XYLT1: variants seen among roughly 807,000 people sequenced by gnomAD.
The protein encoded by XYLT1 is xylosyltransferase 1, also known as beta-D-xylosyltransferase 1.
Under a neutral mutation model 91.3 loss-of-function variants are expected in XYLT1, and 36 were observed. The ratio of observed to expected loss-of-function variants is 0.39; its 90% confidence interval spans 0.30 to 0.52. The LOEUF is 0.52. Ranked by LOEUF, XYLT1 falls within the 20% of genes least tolerant of loss-of-function variation. The pLI is 0.68. For synonymous variants in XYLT1, 588 were observed against 532.0 expected, an observed-to-expected ratio of 1.11 and a Z score of -1.45; for missense variants, 1,242 against 1,284.5, an observed-to-expected ratio of 0.97 and a Z score of 0.51.
intron 2 of XYLT1, among the ~76,000 whole-genome samples, chr16:17,263,673 G>A (rs574177698): frequency 5.9e-5 from 9 of 151,624 alleles, no homozygotes; most frequent in South Asian, 2.1e-4. Flanking sequence ...TGACTGCGGC[G>A]TTCTCTCTGG....
At chr16:17,372,264 C>A (rs996350075) in intron 1 of XYLT1, among the ~76,000 whole-genome samples, 1 of 151,428 alleles carries the variant, frequency 6.6e-6, no homozygotes, top group South Asian at 2.1e-4. Context: ...TGTTTACATG[C>A]TAACAGCATT....
intron 2 of XYLT1, among the ~76,000 whole-genome samples, chr16:17,317,111 C>G (rs987049196): frequency 1.3e-5 from 2 of 151,958 alleles, no homozygotes; most frequent in African/African-American, 4.8e-5. Context: ...CGTGAGCCAC[C>G]GTGCCCGGCC....
At chr16:17,235,557 G>A (rs2141726880) in intron 3 of XYLT1, among the ~76,000 whole-genome samples, 1 of 152,260 alleles carries the variant, frequency 6.6e-6, no homozygotes, top group Admixed American at 6.5e-5. Flanking sequence ...GCACGAAAGG[G>A]ACTGTTTGTT....
chr16:17,423,963 T>C (rs1277720677), intron 1 of XYLT1, among the ~76,000 whole-genome samples: 1 of 152,088 alleles, frequency 6.6e-6, no homozygotes, highest in Non-Finnish European at 1.5e-5. Flanking sequence ...TATAAGCAAG[T>C]CCTATAGCAA....
intron 5 of XYLT1, among the ~76,000 whole-genome samples, chr16:17,181,214 G>T (rs1040849892): frequency 2.0e-5 from 3 of 152,140 alleles, no homozygotes; most frequent in Non-Finnish European, 4.4e-5. Flanking sequence ...GAGGGAATAT[G>T]GGGGCCCAAC....
At position 17,271,763 on chromosome 16, in the gene XYLT1, C is replaced by A. The variant is rs182482422; in HGVS notation, c.403-12265G>T. On this transcript the variant is annotated intron_variant, in intron 2 of 11. Transcript: ENST00000261381. ...CAAAATCACCTTCCCACCCCCGACC[C>A]CTGCTGGGAACCAGGGCTCAAGGGC... 2.0e-3 allele frequency among the ~76,000 whole-genome samples: 310 copies of A among 152,282 alleles called. 1 individual carries two copies. The highest frequency in any genetic ancestry group is 3.4e-3 in the Middle Eastern group (1 of 294).
At chr16:17,111,976 C>CT (rs2141478391) in intron 11 of XYLT1, among the ~76,000 whole-genome samples, 1 of 152,280 alleles carries the variant, frequency 6.6e-6, no homozygotes, top group East Asian at 1.9e-4. Flanking sequence ...CCTAATTTCT[C>CT]TATCAGAGCC....
intron 2 of XYLT1, among the ~76,000 whole-genome samples, chr16:17,332,333 G>T (rs138773833): frequency 2.6e-5 from 4 of 152,162 alleles, no homozygotes; most frequent in African/African-American, 9.7e-5. Context: ...AGGCTGAAGC[G>T]GGCAGATCAC....
chr16:17,215,037 T>C (rs1463421252), intron 3 of XYLT1, among the ~76,000 whole-genome samples: 1 of 152,200 alleles, frequency 6.6e-6, no homozygotes, highest in African/African-American at 2.4e-5. Flanking sequence ...ATTGGAGATG[T>C]GGCCTTTAAG....
At chr16:17,282,301 CGAACAACTGTACTACAAT>C (rs2034070142) in intron 2 of XYLT1, among the ~76,000 whole-genome samples, 1 of 152,178 alleles carries the variant, frequency 6.6e-6, no homozygotes, top group Non-Finnish European at 1.5e-5. Flanking sequence ...TAAGTAGCCA[CGAACAACTGTACTACAAT>C]GCCCTTTTGA....
chr16:17,350,441 G>A (rs1156941152), intron 2 of XYLT1, among the ~76,000 whole-genome samples: 1 of 152,208 alleles, frequency 6.6e-6, no homozygotes, highest in Admixed American at 6.5e-5. Flanking sequence ...CATGCTCCAA[G>A]TCCAGACTCC....
At chr16:17,299,665 A>G (rs1247397138) in intron 2 of XYLT1, among the ~76,000 whole-genome samples, 1 of 152,178 alleles carries the variant, frequency 6.6e-6, no homozygotes, top group Non-Finnish European at 1.5e-5. Context: ...CTTTAGGAGA[A>G]GAGAGGCTTT....
At chr16:17,455,009 G>T (rs955711788) in intron 1 of XYLT1, among the ~76,000 whole-genome samples, 1 of 147,930 alleles carries the variant, frequency 6.8e-6, no homozygotes, top group African/African-American at 2.5e-5. Context: ...GTAAGCTGGG[G>T]TTCGCCAACC....
chr16:17,368,559 ATAGATTTTT>A (rs1338826817), intron 1 of XYLT1, among the ~76,000 whole-genome samples: 5 of 118,042 alleles, frequency 4.2e-5, no homozygotes, highest in Admixed American at 3.9e-4. Flanking sequence ...GACTGGATAG[ATAGATTTTT>A]TTTTTTTTTT....
chr16:17,350,883 A>G (rs1331514917), intron 2 of XYLT1, among the ~76,000 whole-genome samples: 1 of 152,196 alleles, frequency 6.6e-6, no homozygotes, highest in Non-Finnish European at 1.5e-5. Context: ...AGAAGTTTGC[A>G]CAAACAAGCC....
At chr16:17,304,131 T>A (rs7196829) in intron 2 of XYLT1, among the ~76,000 whole-genome samples, 32,705 of 151,972 alleles carry the variant, frequency 0.22, 4,133 homozygotes, top group Middle Eastern at 0.32. Flanking sequence ...AGTAACACCT[T>A]AAAGTCTGTC....
At chr16:17,164,194 T>C (rs2031625235) in intron 5 of XYLT1, among the ~76,000 whole-genome samples, 1 of 152,120 alleles carries the variant, frequency 6.6e-6, no homozygotes, top group Non-Finnish European at 1.5e-5. Context: ...CTGCTTCTAG[T>C]GTACCCATAA....
chr16:17,428,401 T>A (rs1335020936), intron 1 of XYLT1, among the ~76,000 whole-genome samples: 1 of 152,176 alleles, frequency 6.6e-6, no homozygotes, highest in Non-Finnish European at 1.5e-5. Context: ...CTCTTGACCA[T>A]GTTAAATCTG....
intron 1 of XYLT1, among the ~76,000 whole-genome samples, chr16:17,397,983 C>G (rs1012490909): frequency 6.6e-6 from 1 of 151,912 alleles, no homozygotes; most frequent in Non-Finnish European, 1.5e-5. Context: ...CCACCATTCC[C>G]GGCTAATTTT....
Sources: allele counts gnomAD v4.1 joint callset (sites outside exome capture counted in the v4.1 genomes callset), GRCh38; gene constraint gnomAD v4.1.1; transcripts MANE v1.5; gene names NCBI Gene and HGNC (gene_info 2026-07-23, HGNC 2026-07-21).